The following STXBP5L variants were observed in gnomAD, a reference collection of about 807,000 sequenced individuals.
The protein encoded by STXBP5L is syntaxin binding protein 5L.
STXBP5L carries 65 observed loss-of-function variants against 144.5 expected under a neutral mutation model. The ratio of observed to expected loss-of-function variants is 0.45; its 90% CI spans 0.37 to 0.55. STXBP5L has a LOEUF of 0.55. Ranked by LOEUF, STXBP5L falls within the 20% of genes least tolerant of loss-of-function variation. The pLI, the probability that STXBP5L is intolerant of heterozygous loss-of-function variation, is 0.00. For synonymous variants in STXBP5L, 505 were observed against 469.6 expected (o/e 1.08, Z -0.97); for missense variants, 1,298 against 1,405.5 (o/e 0.92, Z 1.22).
intron 9 of STXBP5L, among the ~76,000 whole-genome samples, chr3:121,194,164 G>A (rs1191917884): frequency 2.0e-5 from 3 of 151,856 alleles, no homozygotes; most frequent in South Asian, 2.1e-4. Context: ...AAGAAACCAC[G>A]TACCTATTAC....
Position 121,206,006 on chromosome 3 carries a change from G to A in STXBP5L, c.956+5G>A. On this transcript the variant is annotated splice_donor_5th_base_variant and intron_variant, in intron 10 of 26. Transcript: ENST00000471454. Reference sequence around the variant, plus strand: ...ATACAAGACCTGCAAAAACAGGTATGCATTTTTACTTTAGGGAAAGAGGGA... The same window carrying A: ...ATACAAGACCTGCAAAAACAGGTATACATTTTTACTTTAGGGAAAGAGGGA... 6.7e-7 allele frequency: 1 copy of A among 1,483,890 alleles called. No individual in the cohort carries two copies. Among genetic ancestry groups the A allele is most frequent in the Non-Finnish European group, 9.0e-7 (1 of 1,116,436 alleles). The allele number at this position is 1,483,890 out of a possible 1,614,324, so 91.9% of individuals were successfully genotyped here.
At chr3:121,284,714 G>T (rs887097632) in intron 19 of STXBP5L, among the ~76,000 whole-genome samples, 2 of 152,028 alleles carry the variant, frequency 1.3e-5, no homozygotes, top group Admixed American at 1.3e-4. Flanking sequence ...TAGGTAACAG[G>T]TTCACCAGAA....
At chr3:121,128,336 A>G (rs2044812416) in intron 7 of STXBP5L, among the ~76,000 whole-genome samples, 2 of 152,062 alleles carry the variant, frequency 1.3e-5, no homozygotes, top group South Asian at 2.1e-4. Flanking sequence ...GTCTTTGGGT[A>G]TGGTATTAAA....
At chr3:120,926,272 C>G (rs1250291988) in intron 2 of STXBP5L, among the ~76,000 whole-genome samples, 1 of 150,322 alleles carries the variant, frequency 6.7e-6, no homozygotes, top group Non-Finnish European at 1.5e-5. Flanking sequence ...ATTCTCTGAG[C>G]TTTTGTTTCT....
At chr3:121,293,965 G>A (rs868053511) in intron 19 of STXBP5L, among the ~76,000 whole-genome samples, 4 of 152,266 alleles carry the variant, frequency 2.6e-5, no homozygotes, top group Non-Finnish European at 4.4e-5. Flanking sequence ...ATAGTCATGC[G>A]GAAGAGAAAA....
chr3:121,321,623 C>G (rs1167400823), intron 20 of STXBP5L, among the ~76,000 whole-genome samples: 1 of 152,186 alleles, frequency 6.6e-6, no homozygotes, highest in Non-Finnish European at 1.5e-5. Flanking sequence ...GCTAAGGCTT[C>G]TGGTCTCCAG....
chr3:120,954,962 A>C lies in STXBP5L; in HGVS notation c.212A>C (p.His71Pro). ...CAGACAGTTCGGCATGGTTTTCCTC[A>C]TCAGCCCACAGCATTAGCCTTTGAT... is the stretch of plus-strand genomic sequence containing the variant. ...ICKTVRHGFPHQPTALAFDPV... is the reference protein window; with the variant it reads ...ICKTVRHGFPPQPTALAFDPV... Residue 71 changes from histidine to proline, a missense_variant, in exon 3 of 27, where the codon CAT becomes CCT. Physicochemically the swap from His to Pro is moderately conservative, Grantham distance 77. Coordinates refer to ENST00000471454, the MANE Select transcript of STXBP5L (RefSeq NM_001308330.2). The C allele has an allele frequency of 6.2e-7, 1 of 1,612,394 alleles. No homozygotes were observed. Among genetic ancestry groups the C allele is most frequent in the East Asian group, 2.2e-5 (1 of 44,778 alleles).
chr3:120,964,576 C>T (rs1312391066), intron 3 of STXBP5L, among the ~76,000 whole-genome samples: 7 of 151,990 alleles, frequency 4.6e-5, no homozygotes, highest in Admixed American at 3.3e-4. Context: ...TGTGGTTGTG[C>T]GGTTTTGAGT....
At chr3:121,366,497 C>G (rs2045867655) in intron 20 of STXBP5L, among the ~76,000 whole-genome samples, 2 of 151,594 alleles carry the variant, frequency 1.3e-5, no homozygotes, top group African/African-American at 4.8e-5. Flanking sequence ...ATATAATGTC[C>G]TTCTTAGTCT....
intron 2 of STXBP5L, among the ~76,000 whole-genome samples, chr3:120,937,203 T>C (rs1710309136): frequency 6.6e-6 from 1 of 152,148 alleles, no homozygotes. Context: ...TGGAAACTAG[T>C]TTCTCTTGAG....
intron 2 of STXBP5L, among the ~76,000 whole-genome samples, chr3:120,952,209 T>C (rs1261368012): frequency 6.6e-6 from 1 of 152,006 alleles, no homozygotes; most frequent in Non-Finnish European, 1.5e-5. Flanking sequence ...AATGCTAGTT[T>C]GTCAATTTTT....
chr3:120,909,916 C>A, intron 2 of STXBP5L, 149 bp downstream of exon 2: 2 of 775,382 alleles, frequency 2.6e-6, no homozygotes, highest in South Asian at 4.1e-5. Flanking sequence ...ATCAGTTTGG[C>A]TTAATAGATA....
intron 12 of STXBP5L, among the ~76,000 whole-genome samples, 182 bp downstream of exon 12, chr3:121,233,870 G>T (rs937430759): frequency 3.3e-5 from 5 of 152,168 alleles, no homozygotes; most frequent in African/African-American, 1.2e-4. Flanking sequence ...TGAGAAAATT[G>T]TGAGACAACT....
intron 5 of STXBP5L, among the ~76,000 whole-genome samples, chr3:121,089,092 T>TTAAAA (rs1553803398): frequency 3.6e-5 from 2 of 56,150 alleles, no homozygotes; most frequent in African/African-American, 1.4e-4. Flanking sequence ...TAGAGTATAA[T>TTAAAA]AAAAAAAAAA....
At chr3:120,955,747 T>A (rs555222630) in intron 3 of STXBP5L, among the ~76,000 whole-genome samples, 2 of 152,086 alleles carry the variant, frequency 1.3e-5, no homozygotes, top group Admixed American at 1.3e-4. Context: ...AACATTTCTA[T>A]CACCACAAGG....
chr3:121,367,043 A>G (rs1261111137), intron 20 of STXBP5L, among the ~76,000 whole-genome samples: 1 of 152,110 alleles, frequency 6.6e-6, no homozygotes, highest in Non-Finnish European at 1.5e-5. Flanking sequence ...CTTCTTTCTC[A>G]CTTCTTTCAG....
intron 9 of STXBP5L, among the ~76,000 whole-genome samples, chr3:121,164,412 G>T (rs1275126937): frequency 2.0e-5 from 3 of 152,086 alleles, no homozygotes; most frequent in Admixed American, 1.3e-4. Context: ...TAGAGAAAAT[G>T]GAATCTTTGT....
chr3:121,290,873 C>G (rs758873726), intron 19 of STXBP5L, among the ~76,000 whole-genome samples: 1 of 152,026 alleles, frequency 6.6e-6, no homozygotes, highest in Non-Finnish European at 1.5e-5. Context: ...AAACCCTCGG[C>G]AAAATCAGCA....
chr3:120,997,982 C>T (rs1203312999), intron 3 of STXBP5L, among the ~76,000 whole-genome samples: 1 of 152,128 alleles, frequency 6.6e-6, no homozygotes, highest in Admixed American at 6.6e-5. Flanking sequence ...AGACAAAAAC[C>T]ACATGATCAT....
Sources: gnomAD v4.1 joint callset for allele counts (sites outside exome capture counted in the v4.1 genomes callset) on GRCh38, gnomAD v4.1.1 for gene constraint, MANE v1.5 for transcripts, NCBI Gene and HGNC (gene_info 2026-07-23, HGNC 2026-07-21) for gene names.